TMC1: variants seen among roughly 807,000 people sequenced by gnomAD.
TMC1 encodes the protein transmembrane channel like 1.
In TMC1, 84 loss-of-function variants were observed where a neutral mutation model predicts 105.8. The observed-to-expected ratio is 0.79, with a 90% confidence interval of 0.67 to 0.95. The LOEUF is 0.95. Among genes scored for constraint, TMC1 ranks in the 40% least tolerant of loss-of-function variants. The pLI is 0.00. For synonymous variants in TMC1, 315 were observed against 311.5 expected, an observed-to-expected ratio of 1.01 and a Z score of -0.12; for missense variants, 817 against 914.1, an observed-to-expected ratio of 0.89 and a Z score of 1.37.
At chr9:72,752,525 A>C (rs1283978825) in intron 11 of TMC1, among the ~76,000 whole-genome samples, 1 of 152,088 alleles carries the variant, frequency 6.6e-6, no homozygotes, top group Non-Finnish European at 1.5e-5. Flanking sequence ...CCAAAGTCAG[A>C]AACTAAAACA....
intron 5 of TMC1, among the ~76,000 whole-genome samples, chr9:72,673,838 A>G (rs183015472): frequency 3.5e-4 from 53 of 152,264 alleles, no homozygotes; most frequent in Non-Finnish European, 5.3e-4. Context: ...ATTGTACCCA[A>G]TATTTAAGGA....
intron 1 of TMC1, among the ~76,000 whole-genome samples, chr9:72,541,400 A>C (rs1490776478): frequency 6.6e-6 from 1 of 152,214 alleles, no homozygotes; most frequent in East Asian, 1.9e-4. Flanking sequence ...TAAAGAGCCT[A>C]GAAGCGGCTG....
intron 17 of TMC1, among the ~76,000 whole-genome samples, chr9:72,799,387 A>G (rs921334600): frequency 6.6e-6 from 1 of 152,132 alleles, no homozygotes; most frequent in African/African-American, 2.4e-5. Context: ...TATAATTTAA[A>G]CAAATATGTA....
intron 1 of TMC1, among the ~76,000 whole-genome samples, chr9:72,558,958 T>A (rs1823996068): frequency 6.6e-6 from 1 of 152,178 alleles, no homozygotes; most frequent in Admixed American, 6.5e-5. Flanking sequence ...ATACTTTTCT[T>A]TCCAAATAGA....
intron 17 of TMC1, among the ~76,000 whole-genome samples, chr9:72,804,232 G>A (rs891877935): frequency 1.3e-5 from 2 of 152,096 alleles, no homozygotes; most frequent in African/African-American, 2.4e-5. Context: ...GAGCCTGGTC[G>A]GGGGTAAGGG....
rs745500816 is a variant in TMC1 at position 72,752,014 on chromosome 9, AT to A, written c.642+61del. On this transcript the variant is annotated intron_variant, in intron 11 of 23. Coordinates refer to ENST00000297784, the MANE Select transcript of TMC1 (RefSeq NM_138691.3). ...TGAAAAATGTTTCTCCTAGAAAAGT[AT>A]TTATCTCTTCTTTAAAGTAGAATAA... The A allele has an allele frequency of 4.8e-5, 52 of 1,080,636 alleles. No homozygotes were observed. In the African/African-American group the frequency reaches 7.3e-4, roughly 15 times the overall value. The allele number at this position is 1,080,636 out of a possible 1,614,324, so 66.9% of individuals were successfully genotyped here.
At chr9:72,643,673 A>G (rs1825663606) in intron 4 of TMC1, among the ~76,000 whole-genome samples, 1 of 152,216 alleles carries the variant, frequency 6.6e-6, no homozygotes, top group African/African-American at 2.4e-5. Flanking sequence ...TTACATGAAT[A>G]CATTGCAATT....
chr9:72,803,846 C>G (rs1348088327), intron 17 of TMC1, among the ~76,000 whole-genome samples: 1 of 152,112 alleles, frequency 6.6e-6, no homozygotes, highest in Non-Finnish European at 1.5e-5. Flanking sequence ...GACCTAGAAC[C>G]AGAAATACCA....
At chr9:72,682,554 A>G (rs1398303614) in intron 5 of TMC1, among the ~76,000 whole-genome samples, 1 of 152,234 alleles carries the variant, frequency 6.6e-6, no homozygotes, top group East Asian at 1.9e-4. Context: ...CCTGACCTAG[A>G]AGTAGCAAAG....
At chr9:72,683,732 T>TA (rs1483576251) in intron 5 of TMC1, among the ~76,000 whole-genome samples, 11,579 of 59,940 alleles carry the variant, frequency 0.19, 1,302 homozygotes, top group African/African-American at 0.32. Flanking sequence ...AGTTACACAT[T>TA]TTATATATAT....
At chr9:72,742,709 C>T (rs553890942) in intron 10 of TMC1, among the ~76,000 whole-genome samples, 184 bp downstream of exon 10, 1 of 152,262 alleles carries the variant, frequency 6.6e-6, no homozygotes, top group African/African-American at 2.4e-5. Context: ...GATTTGCTAG[C>T]ACTTACCAAG....
chr9:72,773,397 C>G (rs762099977), intron 13 of TMC1, among the ~76,000 whole-genome samples: 11 of 152,136 alleles, frequency 7.2e-5, no homozygotes, highest in Non-Finnish European at 1.6e-4. Flanking sequence ...TGCAAAGTCA[C>G]CCTAAGCAGG....
At chr9:72,684,591 G>C (rs1256408436) in intron 5 of TMC1, among the ~76,000 whole-genome samples, 1 of 152,002 alleles carries the variant, frequency 6.6e-6, no homozygotes. Context: ...TGTTTTTGCT[G>C]ATAATTCCCT....
At chr9:72,613,003 A>C (rs937655716) in intron 2 of TMC1, among the ~76,000 whole-genome samples, 2 of 152,202 alleles carry the variant, frequency 1.3e-5, no homozygotes, top group African/African-American at 4.8e-5. Flanking sequence ...TGGCGAAAAG[A>C]ATCACAGAGT....
chr9:72,540,363 G>A (rs1823655025), intron 1 of TMC1, among the ~76,000 whole-genome samples: 1 of 152,124 alleles, frequency 6.6e-6, no homozygotes, highest in Admixed American at 6.5e-5. Flanking sequence ...TTATTCTTCT[G>A]TTGAGGCTTG....
intron 5 of TMC1, among the ~76,000 whole-genome samples, chr9:72,666,876 CCCATCTCTACCA>C (rs1826052340): frequency 7.1e-6 from 1 of 141,446 alleles, no homozygotes; most frequent in Admixed American, 7.4e-5. Flanking sequence ...ATAGGGAAAT[CCCATCTCTACCA>C]AAACAAAACA....
intron 2 of TMC1, among the ~76,000 whole-genome samples, chr9:72,589,434 T>A (rs578262368): frequency 6.6e-6 from 1 of 152,356 alleles, no homozygotes; most frequent in South Asian, 2.1e-4. Context: ...ATTAAAAATA[T>A]CACCACCAAT....
intron 21 of TMC1, among the ~76,000 whole-genome samples, chr9:72,829,633 G>T (rs751610506): frequency 6.6e-6 from 1 of 152,110 alleles, no homozygotes. Context: ...CAGCCAAACC[G>T]TATCAATAAT....
chr9:72,826,837 T>A (rs781349672), intron 20 of TMC1, 32 bp from the exon 21 acceptor site: 1 of 1,612,484 alleles, frequency 6.2e-7, no homozygotes, highest in Non-Finnish European at 8.5e-7. Flanking sequence ...ATGTTCTTAA[T>A]AAACTTATCT....
Sources: gnomAD v4.1 joint callset for allele counts (sites outside exome capture counted in the v4.1 genomes callset) on GRCh38, gnomAD v4.1.1 for gene constraint, MANE v1.5 for transcripts, NCBI Gene and HGNC (gene_info 2026-07-23, HGNC 2026-07-21) for gene names.